UTRN: variants seen among roughly 807,000 people sequenced by gnomAD.
UTRN encodes dystrophin-related protein 1.
A neutral mutation model predicts 463.9 loss-of-function variants in UTRN; 283 were observed. The observed-to-expected ratio is 0.61, with a 90% confidence interval of 0.55 to 0.67. The LOEUF is 0.67. UTRN is among the 30% of genes least tolerant of loss of function. The pLI is 0.00. For missense variants in UTRN, 3,922 were observed against 4,084.3 expected (o/e 0.96, Z 1.08); for synonymous variants, 1,442 against 1,431.5 (o/e 1.01, Z -0.17).
At chr6:144,735,028 A>G (rs1372778496) in intron 54 of UTRN, among the ~76,000 whole-genome samples, 1 of 152,124 alleles carries the variant, frequency 6.6e-6, no homozygotes, top group Non-Finnish European at 1.5e-5. Flanking sequence ...GTAAGTGCTT[A>G]TTACATAGTG....
intron 73 of UTRN, among the ~76,000 whole-genome samples, chr6:144,845,956 T>C (rs912944378): frequency 6.6e-6 from 1 of 151,836 alleles, no homozygotes; most frequent in African/African-American, 2.4e-5. Context: ...CAGTGAGAGA[T>C]GGAAGGAGTG....
At chr6:144,572,393 A>T (rs1186384411) in intron 50 of UTRN, among the ~76,000 whole-genome samples, 10 of 151,896 alleles carry the variant, frequency 6.6e-5, no homozygotes, top group Admixed American at 5.2e-4. Context: ...TTTTAAAAAA[A>T]TTTTTACTTT....
At chr6:144,572,507 C>T (rs562923544) in intron 50 of UTRN, among the ~76,000 whole-genome samples, 11 of 152,010 alleles carry the variant, frequency 7.2e-5, no homozygotes, top group Non-Finnish European at 1.5e-4. Context: ...TTTTAAGCCC[C>T]GCATGCATTA....
chr6:144,751,835 C>T lies in UTRN; in HGVS notation c.8238C>T (p.Asn2746=). Residue 2746 remains asparagine (N), a synonymous_variant, in exon 56 of 75, where the codon AAC becomes AAT. Transcript: ENST00000367545. ...MAFREEIAPI[N]FKVKTVNDLS... ...TTAGAGAAGAAATTGCACCAATCAACTTTAAAGTTAAAACGGTGAATGATT... is the reference window on the plus strand; with the variant it reads ...TTAGAGAAGAAATTGCACCAATCAATTTTAAAGTTAAAACGGTGAATGATT... The T allele has an allele frequency of 6.2e-7, 1 of 1,609,676 alleles. No homozygotes were observed. The highest frequency in any genetic ancestry group is 1.1e-5 in the South Asian group (1 of 90,250).
intron 52 of UTRN, among the ~76,000 whole-genome samples, chr6:144,684,049 C>CTTTTT (rs751258844): frequency 7.3e-6 from 1 of 137,290 alleles, no homozygotes; most frequent in Non-Finnish European, 1.6e-5. Context: ...TGTCCCTTTA[C>CTTTTT]TTTTTTTTTT....
At chr6:144,826,026 T>C (rs1363325934) in intron 66 of UTRN, among the ~76,000 whole-genome samples, 2 of 149,622 alleles carry the variant, frequency 1.3e-5, no homozygotes, top group Non-Finnish European at 3.0e-5. Flanking sequence ...AGGGATAGCA[T>C]TAGGAGATAT....
At chr6:144,516,714 A>C (rs774229242) in intron 38 of UTRN, 97 bp from the exon 39 acceptor site, 3 of 1,004,164 alleles carry the variant, frequency 3.0e-6, no homozygotes, top group African/African-American at 1.7e-5. Flanking sequence ...GACGTATACT[A>C]TACTAAGTAG....
chr6:144,668,361 C>G (rs765459266), intron 51 of UTRN, among the ~76,000 whole-genome samples: 3 of 152,094 alleles, frequency 2.0e-5, no homozygotes, highest in Non-Finnish European at 4.4e-5. Context: ...GGTGTGCTTA[C>G]TAGGAGTGAA....
chr6:144,823,754 A>T (rs1002584971), intron 66 of UTRN, among the ~76,000 whole-genome samples: 1 of 152,220 alleles, frequency 6.6e-6, no homozygotes, highest in African/African-American at 2.4e-5. Context: ...CTGAGGAACA[A>T]GCTAAAATAG....
chr6:144,840,603 T>C, intron 72 of UTRN, 137 bp from the exon 73 acceptor site: 1 of 919,360 alleles, frequency 1.1e-6, no homozygotes, highest in South Asian at 1.7e-5. Context: ...TCCCCTAAAA[T>C]TGTCCTTTGC....
intron 69 of UTRN, among the ~76,000 whole-genome samples, chr6:144,830,651 C>G (rs893028805): frequency 1.3e-5 from 2 of 152,118 alleles, no homozygotes; most frequent in African/African-American, 4.8e-5. Context: ...GCTTTGAATG[C>G]AGCCCAACAC....
chr6:144,518,137 T>C (rs898021448), intron 39 of UTRN, among the ~76,000 whole-genome samples: 1 of 152,192 alleles, frequency 6.6e-6, no homozygotes, highest in African/African-American at 2.4e-5. Flanking sequence ...ATCCTTTCCA[T>C]AATTTAGACT....
intron 51 of UTRN, among the ~76,000 whole-genome samples, chr6:144,649,486 T>C (rs1778593226): frequency 6.6e-6 from 1 of 152,344 alleles, no homozygotes; most frequent in East Asian, 1.9e-4. Flanking sequence ...CATCCTATTA[T>C]TGAACAACAC....
chr6:144,679,858 A>G (rs567849135), intron 52 of UTRN, among the ~76,000 whole-genome samples: 56 of 152,176 alleles, frequency 3.7e-4, no homozygotes, highest in South Asian at 2.3e-3. Context: ...CTTACATGTG[A>G]GGAAGGGAGC....
chr6:144,770,245 C>T lies in UTRN; in HGVS notation c.8496-1662C>T, dbSNP rs116339394. On this transcript the variant is annotated intron_variant, in intron 58 of 74. Coordinates refer to ENST00000367545, the MANE Select transcript of UTRN (RefSeq NM_007124.3). The stretch of plus-strand genomic sequence containing the variant: ...CCCAATTGCTAATATTTCCGGGATA[C>T]GTACCCAACTGCAAATACACACTTT... Among the ~76,000 whole-genome samples the T allele has an allele frequency of 3.1e-3, 466 of 152,222 alleles. 1 individual carries two copies. The highest frequency in any genetic ancestry group is 0.011 in the African/African-American group (446 of 41,558).
At chr6:144,477,013 G>A (rs1330660988) in intron 25 of UTRN, among the ~76,000 whole-genome samples, 1 of 152,080 alleles carries the variant, frequency 6.6e-6, no homozygotes, top group Non-Finnish European at 1.5e-5. Flanking sequence ...AAAAAATGAT[G>A]GTGCAGAAAG....
At chr6:144,528,072 G>C (rs547156934) in intron 41 of UTRN, among the ~76,000 whole-genome samples, 2 of 119,806 alleles carry the variant, frequency 1.7e-5, no homozygotes, top group African/African-American at 6.6e-5. Flanking sequence ...GTCTTACTCT[G>C]TTGCCCAGGC....
At chr6:144,342,633 C>T (rs1443838309) in intron 2 of UTRN, among the ~76,000 whole-genome samples, 1 of 152,128 alleles carries the variant, frequency 6.6e-6, no homozygotes, top group Non-Finnish European at 1.5e-5. Flanking sequence ...AAACCATATA[C>T]TGTATGATTT....
intron 9 of UTRN, among the ~76,000 whole-genome samples, chr6:144,433,577 C>T (rs1468350243): frequency 6.6e-6 from 1 of 151,436 alleles, no homozygotes. Context: ...GGGCTCCTCC[C>T]TTCTCAGATG....
Sources: allele counts gnomAD v4.1 joint callset (sites outside exome capture counted in the v4.1 genomes callset), GRCh38; gene constraint gnomAD v4.1.1; transcripts MANE v1.5; gene names NCBI Gene and HGNC (gene_info 2026-07-23, HGNC 2026-07-21).